Variants in UBE2O observed in about 807,000 individuals in gnomAD.
The protein encoded by UBE2O is (E3-independent) E2 ubiquitin-conjugating enzyme.
A neutral mutation model predicts 125.8 loss-of-function variants in UBE2O; 15 were observed. The observed-to-expected ratio is 0.12, with a 90% CI of 0.08 to 0.18. The LOEUF (loss-of-function observed/expected upper bound fraction) is 0.18. Ranked by LOEUF, UBE2O falls within the 10% of genes least tolerant of loss-of-function variation. The probability of loss-of-function intolerance (pLI) is 1.00; values close to 1 mark genes in which losing one functional copy is unlikely to be tolerated. For synonymous variants in UBE2O, 708 were observed against 703.2 expected (o/e 1.01, Z -0.11); for missense variants, 1,280 against 1,723.6 (o/e 0.74, Z 4.56).
At chr17:76,449,916 G>A (rs925901483) in intron 1 of UBE2O, among the ~76,000 whole-genome samples, 3 of 152,042 alleles carry the variant, frequency 2.0e-5, no homozygotes, top group Non-Finnish European at 2.9e-5. Flanking sequence ...GCAAAACTCC[G>A]TCTCAAAAAC....
intron 13 of UBE2O, among the ~76,000 whole-genome samples, chr17:76,397,262 T>C (rs537665381): frequency 1.3e-5 from 2 of 152,310 alleles, no homozygotes; most frequent in Non-Finnish European, 2.9e-5. Context: ...TTCCCTGGAA[T>C]GGCCGTTAAG....
At chr17:76,432,478 T>C (rs1335199938) in intron 1 of UBE2O, among the ~76,000 whole-genome samples, 2 of 152,178 alleles carry the variant, frequency 1.3e-5, no homozygotes, top group African/African-American at 4.8e-5. Flanking sequence ...TAGCAACCCC[T>C]TTCTCATCCT....
intron 13 of UBE2O, 99 bp downstream of exon 13, chr17:76,397,700 G>T: frequency 1.7e-6 from 2 of 1,175,910 alleles, no homozygotes; most frequent in Non-Finnish European, 1.3e-6. Flanking sequence ...GATCTCACCA[G>T]GAAGACCTGA....
At chr17:76,394,809 T>C (rs1208748459) in intron 15 of UBE2O, among the ~76,000 whole-genome samples, 1 of 152,182 alleles carries the variant, frequency 6.6e-6, no homozygotes, top group Non-Finnish European at 1.5e-5. Flanking sequence ...TCAAAGGATC[T>C]GTAATGTTCT....
Position 76,398,733 on chromosome 17 carries a change from C to A in UBE2O, c.1783+104G>T. 6.6e-7 allele frequency: 1 copy of A among 1,515,554 alleles called. No homozygotes were observed. The highest frequency in any genetic ancestry group is 1.4e-5 in the African/African-American group (1 of 73,074). 93.9% of individuals were successfully genotyped at this position (1,515,554 alleles called of 1,614,324 possible). ...ATGAGGGCAGTCCCCTTCTGGACCT[C>A]ATTTTAGCTCTGACCCCAGATCCAC... On this transcript the variant is annotated intron_variant, in intron 10 of 17. Transcript: ENST00000319380. The surrounding 1 kb of genome is among the most constrained non-coding windows in gnomAD (Gnocchi z 5.4).
chr17:76,449,159 T>C (rs1301943684), intron 1 of UBE2O, among the ~76,000 whole-genome samples: 1 of 152,256 alleles, frequency 6.6e-6, no homozygotes, highest in African/African-American at 2.4e-5. Context: ...CTTTGTAAAT[T>C]TGTTCACTAA....
rs115302030 is a variant in UBE2O at position 76,451,664 on chromosome 17, C to G, written c.417+1061G>C. 2.5e-3 allele frequency among the ~76,000 whole-genome samples: 386 copies of G among 152,300 alleles called. 6 individuals carry two copies. The highest frequency in any genetic ancestry group is 8.4e-3 in the African/African-American group (350 of 41,554). ...CTTCCAAAGTGCCCTCCCCTGAAAT[C>G]AGACCTCTCAACCTCCCAAGGACCT... On this transcript the variant is annotated intron_variant, in intron 1 of 17. Transcript: ENST00000319380.
rs186230075 is a variant in UBE2O at position 76,440,817 on chromosome 17, A to G, written c.417+11908T>C. 3.6e-4 allele frequency among the ~76,000 whole-genome samples: 55 copies of G among 152,340 alleles called. 1 individual carries two copies. Among genetic ancestry groups the G allele is most frequent in the African/African-American group, 1.3e-3 (52 of 41,574 alleles). ...CTGAATGCTTTTGTGCTATAATGGCAAAGCTGAGTTGTTGTGAAGGAGACA... is the reference window on the plus strand; with the variant it reads ...CTGAATGCTTTTGTGCTATAATGGCGAAGCTGAGTTGTTGTGAAGGAGACA... On this transcript the variant is annotated intron_variant, in intron 1 of 17. Coordinates refer to ENST00000319380, the MANE Select transcript of UBE2O (RefSeq NM_022066.4).
chr17:76,417,543 AC>A (rs932354721), intron 1 of UBE2O, among the ~76,000 whole-genome samples: 4 of 152,082 alleles, frequency 2.6e-5, no homozygotes, highest in African/African-American at 9.7e-5. Context: ...AAAATTCTCT[AC>A]CCCCTCCTTT....
chr17:76,408,594 A>G (rs2072463072), intron 1 of UBE2O, among the ~76,000 whole-genome samples: 1 of 152,212 alleles, frequency 6.6e-6, no homozygotes, highest in Non-Finnish European at 1.5e-5. Flanking sequence ...CTGCTTATGA[A>G]AGAAAGAAAA....
intron 1 of UBE2O, among the ~76,000 whole-genome samples, chr17:76,417,105 C>G (rs1173756854): frequency 1.3e-5 from 2 of 152,262 alleles, no homozygotes; most frequent in Non-Finnish European, 2.9e-5. Context: ...CAACACTGAG[C>G]TGAATGAGCT....
Position 76,398,012 on chromosome 17 carries a change from G to T in UBE2O, c.2026-124C>A. 1 of 1,134,710 alleles carries T rather than the reference G, an allele frequency of 8.8e-7. No individual in the cohort carries two copies. The highest frequency in any genetic ancestry group is 1.3e-6 in the Non-Finnish European group (1 of 782,918). 70.3% of individuals were successfully genotyped at this position (1,134,710 alleles called of 1,614,324 possible). On this transcript the variant is annotated intron_variant, in intron 12 of 17. Transcript: ENST00000319380. The surrounding 1 kb of genome is among the most constrained non-coding windows in gnomAD (Gnocchi z 5.4). ...TTGTGACAAGGAACTTAGCTCCTCTGGTAAATGTAACCAGCGGCAGCTCAA... is the reference window on the plus strand; with the variant it reads ...TTGTGACAAGGAACTTAGCTCCTCTTGTAAATGTAACCAGCGGCAGCTCAA...
At chr17:76,430,653 C>T (rs375471685) in intron 1 of UBE2O, 22 of 329,862 alleles carry the variant, frequency 6.7e-5, no homozygotes, top group South Asian at 3.2e-4. Flanking sequence ...GATTTTGCCA[C>T]GGCCATGCTT....
In UBE2O at chr17:76,410,007, A is replaced by G. The variant is rs1174911023; in HGVS notation, c.418-4435T>C. Among the ~76,000 whole-genome samples, 1 of 152,140 alleles carries G rather than the reference A, an allele frequency of 6.6e-6. No individual in the cohort carries two copies. Among genetic ancestry groups the G allele is most frequent in the African/African-American group, 2.4e-5 (1 of 41,414 alleles). ...CCTCCGAGGTGATGCTGAACCAGAG[A>G]TCGGGATGAGATGGGGAATGAGCTT... On this transcript the variant is annotated intron_variant, in intron 1 of 17. Transcript: ENST00000319380. This position sits in a 1 kb window ranked among gnomAD's most constrained non-coding sequence, Gnocchi z 4.0.
Position 76,399,666 on chromosome 17 carries a change from C to T in UBE2O, c.1411G>A (p.Asp471Asn). 6.2e-7 allele frequency: 1 copy of T among 1,614,220 alleles called. No homozygotes were observed. The highest frequency in any genetic ancestry group is 8.5e-7 in the Non-Finnish European group (1 of 1,180,044). ...PPFLLKEGRD[D>N]RLHSAEQDAD... ...TCCTGCTCTGCCGAGTGCAGCCTGT[C>T]ATCTCTGCCTTCTTTTAGCAGGAAT... The change falls in exon 9 of 18, where the codon GAC (aspartate) becomes AAC (asparagine). Residue 471 changes from aspartate (D) to asparagine (N), a missense_variant. This residue lies in a region of UBE2O where 141 missense variants were observed against 141.3 expected (regional missense o/e 1.00). Transcript: ENST00000319380. This position sits in a 1 kb window ranked among gnomAD's most constrained non-coding sequence, Gnocchi z 6.9.
At chr17:76,408,605 ACT>A (rs1251225779) in intron 1 of UBE2O, among the ~76,000 whole-genome samples, 1 of 151,938 alleles carries the variant, frequency 6.6e-6, no homozygotes, top group East Asian at 1.9e-4. Flanking sequence ...AGAAAGAAAA[ACT>A]CTCTTCATTT....
intron 1 of UBE2O, among the ~76,000 whole-genome samples, chr17:76,429,541 C>CAA (rs61081315): frequency 0.046 from 3,295 of 71,046 alleles, 131 homozygotes; most frequent in African/African-American, 0.07. Context: ...GACTCTGTCT[C>CAA]AAAAAAAAAA....
At chr17:76,393,874 C>G (rs1304143328) in intron 15 of UBE2O, among the ~76,000 whole-genome samples, 2 of 152,182 alleles carry the variant, frequency 1.3e-5, no homozygotes, top group Non-Finnish European at 1.5e-5. Context: ...CTAGCTGGGG[C>G]GAGGGAACCT....
chr17:76,433,905 G>A (rs1268685968), intron 1 of UBE2O, among the ~76,000 whole-genome samples: 4 of 152,132 alleles, frequency 2.6e-5, no homozygotes, highest in East Asian at 1.9e-4. Context: ...GGCGGTGCGC[G>A]CCTACAGGCC....
Sources: gnomAD v4.1 joint callset for allele counts (sites outside exome capture counted in the v4.1 genomes callset) on GRCh38, gnomAD v4.1.1 for gene constraint, gnomAD v4.1.1 regional missense constraint, Gnocchi (gnomAD v3.1) non-coding constraint, MANE v1.5 for transcripts, NCBI Gene and HGNC (gene_info 2026-07-23, HGNC 2026-07-21) for gene names.